The following ECE1 variants were observed in gnomAD, a reference collection of about 807,000 sequenced individuals.
ECE1 encodes the protein endothelin-converting enzyme 1.
ECE1 carries 35 observed loss-of-function variants against 98.6 expected under a neutral mutation model. That is an observed-to-expected ratio of 0.35 (90% CI 0.27 to 0.47). The LOEUF is 0.47. ECE1 is among the 20% of genes least tolerant of loss of function. The pLI, the probability that ECE1 is intolerant of heterozygous loss-of-function variation, is 1.00. For synonymous variants in ECE1, 394 were observed against 407.1 expected (o/e 0.97, Z 0.39); for missense variants, 814 against 1,025.3 (o/e 0.79, Z 2.81).
At chr1:21,281,796 A>C (rs1284660511) in intron 2 of ECE1, among the ~76,000 whole-genome samples, 1 of 152,244 alleles carries the variant, frequency 6.6e-6, no homozygotes, top group Non-Finnish European at 1.5e-5. Context: ...TCCCGGGTTC[A>C]AGCGATTCTC....
At chr1:21,344,216 G>A (rs1639454072) in intron 1 of ECE1, among the ~76,000 whole-genome samples, 1 of 152,104 alleles carries the variant, frequency 6.6e-6, no homozygotes, top group Admixed American at 6.5e-5. Context: ...GGGCACAGCA[G>A]GGGCTGGGAA....
In ECE1 at chr1:21,331,890, G is replaced by C. The variant is rs184683698; in HGVS notation, c.3+13486C>G. On this transcript the variant is annotated intron_variant, in intron 1 of 18. Transcript: ENST00000415912. ...GGGCAGGAAAGAATGGAGGATTACT[G>C]AATAAAGCCCTAATGCAGACAGAAG... Among the ~76,000 whole-genome samples the C allele has an allele frequency of 1.9e-3, 292 of 152,284 alleles. 3 individuals are homozygous for C. Among genetic ancestry groups the C allele is most frequent in the Middle Eastern group, 3.4e-3 (1 of 294 alleles).
Position 21,219,966 on chromosome 1 carries a change from C to T in ECE1, c.2302G>A (p.Glu768Lys), listed in dbSNP as rs201631426. ...TCTCCGCTTCGTCCTTACCAGACTT[C>T]GCACTTGTGAGGCGGGTTCATGGGT... ...GSPMNPPHKC[E>K]VW The change falls in exon 19 of 19, where the codon GAA (glutamate) becomes AAA (lysine). Residue 768 changes from glutamate to lysine, a missense_variant. Glu to Lys is a moderately conservative substitution (Grantham distance 56). Coordinates refer to ENST00000374893, the MANE Select transcript of ECE1 (RefSeq NM_001397.3). This position sits in a 1 kb window ranked among gnomAD's most constrained non-coding sequence, Gnocchi z 4.5. 2.0e-4 allele frequency: 316 copies of T among 1,614,132 alleles called. No homozygotes were observed. The highest frequency in any genetic ancestry group is 2.4e-4 in the Non-Finnish European group (288 of 1,180,062).
intron 4 of ECE1, among the ~76,000 whole-genome samples, chr1:21,267,653 A>C (rs1430049823): frequency 1.3e-5 from 2 of 152,198 alleles, no homozygotes; most frequent in African/African-American, 2.4e-5. Flanking sequence ...ATTTTGTTAC[A>C]ATAGCACAAA....
chr1:21,339,069 C>T (rs886252657), intron 1 of ECE1, among the ~76,000 whole-genome samples: 5 of 151,474 alleles, frequency 3.3e-5, no homozygotes, highest in Non-Finnish European at 5.9e-5. Flanking sequence ...AGACCCAGGC[C>T]AGGGGACCAG....
chr1:21,293,957 C>T (rs1569685933), upstream of ECE1: 1 of 152,850 alleles, frequency 6.5e-6, no homozygotes, highest in Admixed American at 6.5e-5. Context: ...AGATGAGAAT[C>T]ATCACCTCCG....
chr1:21,260,736 A>AAC lies in ECE1; in HGVS notation c.494-346_494-345dup, dbSNP rs923432543. On this transcript the variant is annotated intron_variant, in intron 4 of 18. Transcript: ENST00000374893. The surrounding 1 kb of genome is among the most constrained non-coding windows in gnomAD (Gnocchi z 4.3). ...TCCCCTGTGGATAACGTGTGGTACG[A>AAC]ACACCCCTGCCTGGTGCATGGGACA... Among the ~76,000 whole-genome samples the AAC allele has an allele frequency of 1.3e-5, 2 of 152,228 alleles. No individual in the cohort carries two copies. Among genetic ancestry groups the AAC allele is most frequent in the African/African-American group, 4.8e-5 (2 of 41,444 alleles).
chr1:21,290,127 G>C lies in ECE1; in HGVS notation c.81C>G (p.Asp27Glu), dbSNP rs771309497. The C allele has an allele frequency of 7.0e-6, 11 of 1,562,296 alleles. No individual in the cohort carries two copies. The highest frequency in any genetic ancestry group is 9.5e-6 in the Non-Finnish European group (11 of 1,155,860). ...GMSTYKRATL[D>E]EEDLVDSLSE... ...AGAGCGAGTCCACCAGGTCCTCCTC[G>C]TCCAGCGTGGCCCGCTTGTACGTCG... Residue 27 changes from aspartate to glutamate, a missense_variant, in exon 2 of 19, where the codon GAC (aspartate) becomes GAG (glutamate). Around this residue, in one of 3 missense-constraint regions of ECE1, gnomAD observed 257 missense variants for 278.9 expected, o/e 0.92. Transcript: ENST00000374893. The surrounding 1 kb of genome is among the most constrained non-coding windows in gnomAD (Gnocchi z 7.3).
At chr1:21,275,486 T>C (rs556469243) in intron 3 of ECE1, among the ~76,000 whole-genome samples, 1 of 152,210 alleles carries the variant, frequency 6.6e-6, no homozygotes, top group East Asian at 1.9e-4. Context: ...TCCCAGCTAC[T>C]TGGGAGGCTG....
intron 4 of ECE1, among the ~76,000 whole-genome samples, chr1:21,268,124 G>A (rs2098236184): frequency 6.6e-6 from 1 of 152,152 alleles, no homozygotes. Context: ...GAGGCCCTTT[G>A]GTAGCCACAG....
rs750240985 is a variant in ECE1 at position 21,333,833 on chromosome 1, C to CA, written c.3+11542dup. ...TGGGCAACAGAGCGAGACTCCGTCT[C>CA]AAAAAAAAAAAAATGACGGAGCCAC... is the stretch of plus-strand genomic sequence containing the variant. On this transcript the variant is annotated intron_variant, in intron 1 of 18. Transcript: ENST00000415912. Among the ~76,000 whole-genome samples, 1,127 of 139,368 alleles carry CA rather than the reference C, an allele frequency of 8.1e-3. 14 individuals carry two copies. The highest frequency in any genetic ancestry group is 0.024 in the African/African-American group (898 of 38,000). 91.4% of individuals were successfully genotyped at this position (139,368 alleles called of 152,430 possible).
chr1:21,280,341 C>T (rs906415404), intron 2 of ECE1, among the ~76,000 whole-genome samples: 3 of 152,184 alleles, frequency 2.0e-5, no homozygotes, highest in African/African-American at 4.8e-5. Flanking sequence ...TGGAAATACA[C>T]AGCCCAGCAG....
At chr1:21,262,360 G>T (rs1480741387) in intron 4 of ECE1, among the ~76,000 whole-genome samples, 1 of 152,214 alleles carries the variant, frequency 6.6e-6, no homozygotes, top group African/African-American at 2.4e-5. Context: ...GGGAAGCTGG[G>T]ATACAGAAGA....
intron 4 of ECE1, among the ~76,000 whole-genome samples, chr1:21,262,269 T>TC (rs2098228013): frequency 6.6e-6 from 1 of 152,094 alleles, no homozygotes; most frequent in African/African-American, 2.4e-5. Flanking sequence ...ACTGGGTTGC[T>TC]AAGTGCTGGA....
chr1:21,247,233 G>A lies in ECE1; in HGVS notation c.1151C>T (p.Thr384Ile). 6.2e-7 allele frequency: 1 copy of A among 1,614,180 alleles called. No individual in the cohort carries two copies. Among genetic ancestry groups the A allele is most frequent in the Non-Finnish European group, 8.5e-7 (1 of 1,179,984 alleles). Residue 384 changes from threonine (T) to isoleucine (I), a missense_variant, in exon 9 of 19, where the codon ACC (threonine) becomes ATC (isoleucine). By Grantham distance (89) the Thr-to-Ile change is moderately conservative. Transcript: ENST00000374893. ...GGGGTCCTCTTACCATCTGTCGGTG[G>A]TGTTGATGAGAGTGGAGATCTGCTC... Reference protein sequence around the residue: ...YLEQISTLINTTDRCLLNNYM... With the variant: ...YLEQISTLINITDRCLLNNYM...
chr1:21,266,221 G>A (rs1475761292), intron 4 of ECE1: 2 of 152,418 alleles, frequency 1.3e-5, no homozygotes, highest in Non-Finnish European at 2.9e-5. Context: ...GGATAGGGGT[G>A]TCTGGGAATC....
At chr1:21,333,237 C>T (rs1639240319) in intron 1 of ECE1, among the ~76,000 whole-genome samples, 1 of 151,974 alleles carries the variant, frequency 6.6e-6, no homozygotes, top group African/African-American at 2.4e-5. Flanking sequence ...GGGGGAGCTG[C>T]CCAGTTTTTC....
chr1:21,288,465 T>G (rs1396747335), intron 2 of ECE1, among the ~76,000 whole-genome samples: 1 of 152,210 alleles, frequency 6.6e-6, no homozygotes, highest in East Asian at 1.9e-4. Flanking sequence ...CCCGGGTCGC[T>G]GGCTTCAGAG....
At chr1:21,328,486 G>C (rs1488184105) in intron 1 of ECE1, among the ~76,000 whole-genome samples, 1 of 152,200 alleles carries the variant, frequency 6.6e-6, no homozygotes, top group Non-Finnish European at 1.5e-5. Flanking sequence ...TGTAGGCCAG[G>C]TGCAGTGGCT....
Sources: allele counts gnomAD v4.1 joint callset (sites outside exome capture counted in the v4.1 genomes callset), GRCh38; gene constraint gnomAD v4.1.1; regional missense constraint gnomAD v4.1.1; non-coding constraint Gnocchi (gnomAD v3.1); transcripts MANE v1.5; gene names NCBI Gene and HGNC (gene_info 2026-07-23, HGNC 2026-07-21).